Variants in DPP10 observed in about 807,000 individuals in gnomAD.
The protein encoded by DPP10 is dipeptidyl peptidase like 10, also known as inactive dipeptidyl peptidase 10.
Under a neutral mutation model 120.9 loss-of-function variants are expected in DPP10, and 33 were observed. The observed-to-expected ratio is 0.27, with a 90% confidence interval of 0.21 to 0.37. The LOEUF (loss-of-function observed/expected upper bound fraction) is 0.37, where lower values mean the gene tolerates loss of function less well. DPP10 is among the 10% of genes least tolerant of loss of function. The probability of loss-of-function intolerance (pLI) is 1.00; values close to 1 mark genes in which losing one functional copy is unlikely to be tolerated. For missense variants in DPP10, 816 were observed against 942.8 expected, an observed-to-expected ratio of 0.87 and a Z score of 1.76; for synonymous variants, 337 against 326.1, an observed-to-expected ratio of 1.03 and a Z score of -0.36.
intron 3 of DPP10, among the ~76,000 whole-genome samples, chr2:115,349,587 G>T (rs768854604): frequency 1.8e-4 from 28 of 152,040 alleles, no homozygotes; most frequent in Non-Finnish European, 2.8e-4. Flanking sequence ...TAAATGCGCT[G>T]GGAGGTCTCA....
intron 5 of DPP10, among the ~76,000 whole-genome samples, chr2:115,532,540 A>G (rs2078534713): frequency 6.6e-6 from 1 of 152,038 alleles, no homozygotes; most frequent in African/African-American, 2.4e-5. Context: ...ATATCAAACA[A>G]TATATGATTT....
intron 3 of DPP10, among the ~76,000 whole-genome samples, chr2:115,493,622 A>G (rs2076240573): frequency 6.6e-6 from 1 of 152,140 alleles, no homozygotes; most frequent in African/African-American, 2.4e-5. Flanking sequence ...TACCAGGGCA[A>G]GATAGTGGTT....
chr2:115,005,276 A>G (rs575062524), intron 1 of DPP10, among the ~76,000 whole-genome samples: 1 of 152,312 alleles, frequency 6.6e-6, no homozygotes, highest in South Asian at 2.1e-4. Flanking sequence ...AAAAAACCGA[A>G]CAGAAAAACT....
At chr2:115,838,274 T>C (rs987686560) in intron 24 of DPP10, among the ~76,000 whole-genome samples, 18 of 152,302 alleles carry the variant, frequency 1.2e-4, no homozygotes, top group Admixed American at 5.9e-4. Context: ...TCTAAGGTAT[T>C]AAGACCTTAC....
intron 21 of DPP10, among the ~76,000 whole-genome samples, chr2:115,829,055 A>C (rs748303973): frequency 1.3e-5 from 2 of 152,138 alleles, no homozygotes; most frequent in Non-Finnish European, 2.9e-5. Flanking sequence ...CAAAAAACTG[A>C]AGTTCTAAAA....
At chr2:114,703,302 G>A (rs1700496305) in intron 1 of DPP10, among the ~76,000 whole-genome samples, 1 of 152,094 alleles carries the variant, frequency 6.6e-6, no homozygotes, top group African/African-American at 2.4e-5. Context: ...TTATTTACAG[G>A]AGAAACAAAT....
chr2:115,612,701 C>T (rs1036992754), intron 5 of DPP10, among the ~76,000 whole-genome samples: 6 of 152,070 alleles, frequency 3.9e-5, no homozygotes, highest in African/African-American at 1.4e-4. Flanking sequence ...TGTCTCTGAG[C>T]CTCAGTTCCT....
intron 1 of DPP10, among the ~76,000 whole-genome samples, chr2:115,207,004 A>C (rs1038975564): frequency 6.6e-6 from 1 of 152,194 alleles, no homozygotes; most frequent in African/African-American, 2.4e-5. Context: ...ATTGTCAACA[A>C]GTGTTTCGTT....
intron 1 of DPP10, among the ~76,000 whole-genome samples, chr2:114,512,389 T>C (rs1236162918): frequency 1.3e-5 from 2 of 152,216 alleles, no homozygotes; most frequent in South Asian, 2.1e-4. Flanking sequence ...ATTGATTTCA[T>C]GGACGTTCAT....
intron 2 of DPP10, among the ~76,000 whole-genome samples, chr2:115,319,456 G>A (rs1396599557): frequency 2.0e-5 from 3 of 152,148 alleles, no homozygotes; most frequent in Admixed American, 6.6e-5. Flanking sequence ...AGGAGTTTGA[G>A]AAAGATGAGT....
intron 1 of DPP10, among the ~76,000 whole-genome samples, chr2:114,842,413 T>C (rs1393996289): frequency 6.6e-6 from 1 of 151,998 alleles, no homozygotes; most frequent in Non-Finnish European, 1.5e-5. Flanking sequence ...TAGTCAATCA[T>C]GAATTAGATG....
intron 3 of DPP10, among the ~76,000 whole-genome samples, chr2:115,480,146 G>T (rs1384021415): frequency 6.6e-6 from 1 of 152,036 alleles, no homozygotes; most frequent in Non-Finnish European, 1.5e-5. Flanking sequence ...TGTATTTAAA[G>T]TCTGTCTCCC....
chr2:115,748,818 C>T (rs1181374532), intron 10 of DPP10, among the ~76,000 whole-genome samples: 1 of 152,154 alleles, frequency 6.6e-6, no homozygotes, highest in Non-Finnish European at 1.5e-5. Context: ...AGATAATCTA[C>T]AGAAAGACAT....
At chr2:115,340,826 T>A (rs1257574922) in intron 2 of DPP10, among the ~76,000 whole-genome samples, 2 of 151,916 alleles carry the variant, frequency 1.3e-5, no homozygotes, top group Non-Finnish European at 2.9e-5. Flanking sequence ...GCATAATTTC[T>A]CTCACTGAAA....
In DPP10 at chr2:114,516,973, T is replaced by C. The variant is rs151213802; in HGVS notation, c.60+74135T>C. Among the ~76,000 whole-genome samples, 666 of 152,348 alleles carry C rather than the reference T, an allele frequency of 4.4e-3. 9 individuals are homozygous for C. Among genetic ancestry groups the C allele is most frequent in the African/African-American group, 0.015 (637 of 41,580 alleles). On this transcript the variant is annotated intron_variant, in intron 1 of 25. Transcript: ENST00000410059. Reference sequence around the variant, plus strand: ...TCTTATGTTGAGGTTATAGCAACTTTGGTGGATAACAGTTAATACAATTAG... The same window carrying C: ...TCTTATGTTGAGGTTATAGCAACTTCGGTGGATAACAGTTAATACAATTAG...
At chr2:114,938,504 A>AT (rs1413088217) in intron 1 of DPP10, among the ~76,000 whole-genome samples, 10 of 152,078 alleles carry the variant, frequency 6.6e-5, no homozygotes, top group Admixed American at 6.6e-5. Flanking sequence ...AATAATTTTT[A>AT]TTTTCTCTTC....
intron 1 of DPP10, among the ~76,000 whole-genome samples, chr2:114,717,257 A>G (rs77244647): frequency 0.029 from 4,349 of 152,346 alleles, 101 homozygotes; most frequent in Middle Eastern, 0.068. Context: ...AGAAAGTGTC[A>G]GATCCTTCAG....
intron 5 of DPP10, among the ~76,000 whole-genome samples, chr2:115,652,555 G>C (rs1418573789): frequency 2.0e-5 from 3 of 151,624 alleles, no homozygotes; most frequent in African/African-American, 7.3e-5. Context: ...AGGATCTGTA[G>C]TTGGCAAGCT....
intron 3 of DPP10, among the ~76,000 whole-genome samples, chr2:115,436,736 A>T (rs1372929746): frequency 1.3e-5 from 2 of 151,920 alleles, no homozygotes; most frequent in East Asian, 3.9e-4. Context: ...TTTAAAAAAT[A>T]TGGAAAGCTA....
Sources: gnomAD v4.1 joint callset for allele counts (sites outside exome capture counted in the v4.1 genomes callset) on GRCh38, gnomAD v4.1.1 for gene constraint, MANE v1.5 for transcripts, NCBI Gene and HGNC (gene_info 2026-07-23, HGNC 2026-07-21) for gene names.